The following PLCXD3 variants were observed in gnomAD, a reference collection of about 807,000 sequenced individuals.
PLCXD3 encodes PI-PLC X domain-containing protein 3.
Under a neutral mutation model 25.5 loss-of-function variants are expected in PLCXD3, and 19 were observed. The observed-to-expected ratio is 0.75, with a 90% CI of 0.52 to 1.09. The LOEUF (loss-of-function observed/expected upper bound fraction) is 1.09. Ranked by LOEUF, PLCXD3 falls within the 50% of genes least tolerant of loss-of-function variation. PLCXD3 has a pLI of 0.00. For synonymous variants in PLCXD3, 174 were observed against 137.6 expected (o/e 1.26, Z -1.85); for missense variants, 411 against 388.1 (o/e 1.06, Z -0.50).
intron 1 of PLCXD3, among the ~76,000 whole-genome samples, chr5:41,410,098 T>C (rs570626754): frequency 1.1e-4 from 16 of 151,926 alleles, no homozygotes; most frequent in Non-Finnish European, 1.8e-4. Context: ...TGGGGTACTT[T>C]AGATAGATTA....
chr5:41,317,742 A>G (rs1743345048), intron 2 of PLCXD3, among the ~76,000 whole-genome samples: 1 of 152,022 alleles, frequency 6.6e-6, no homozygotes, highest in Admixed American at 6.6e-5. Context: ...AGAATGCATC[A>G]GAGTCATTTA....
At chr5:41,432,545 T>A (rs1013056099) in intron 1 of PLCXD3, among the ~76,000 whole-genome samples, 1 of 152,316 alleles carries the variant, frequency 6.6e-6, no homozygotes, top group East Asian at 1.9e-4. Context: ...TCTTTTAATG[T>A]CTTCCCTAAA....
At chr5:41,465,577 G>GCTATCAGT (rs568042287) in intron 1 of PLCXD3, among the ~76,000 whole-genome samples, 16 of 151,524 alleles carry the variant, frequency 1.1e-4, no homozygotes, top group Non-Finnish European at 2.4e-4. Flanking sequence ...TCTCAGCTTT[G>GCTATCAGT]CTATCAGTCT....
intron 1 of PLCXD3, among the ~76,000 whole-genome samples, chr5:41,382,956 A>G (rs1580339708): frequency 1.3e-5 from 2 of 152,104 alleles, no homozygotes; most frequent in East Asian, 3.9e-4. Flanking sequence ...TAAGCCTAGA[A>G]GGATTGTCTC....
chr5:41,401,003 T>G (rs36089237), intron 1 of PLCXD3, among the ~76,000 whole-genome samples: 21,288 of 58,056 alleles, frequency 0.37, 1,776 homozygotes, highest in African/African-American at 0.5. Context: ...TTTAAAAAGC[T>G]AAAAAAAAAA....
At position 41,308,775 on chromosome 5, in the gene PLCXD3, C is replaced by T. The variant is rs1356575804; in HGVS notation, c.*4842G>A. The T allele has an allele frequency of 6.6e-6, 1 of 152,042 alleles. No homozygotes were observed. Among genetic ancestry groups the T allele is most frequent in the East Asian group, 1.9e-4 (1 of 5,184 alleles). The allele number at this position is 152,042 out of a possible 1,614,324, so 9.4% of individuals were successfully genotyped here. A position where few individuals can be genotyped will look rare whatever the true frequency, so the allele number is the denominator to read the frequency against. ...TTTATCATTAAAGAAAAATGGGTGC[C>T]ATGTTGGGAAGGTCAACTTTAAAGG... On this transcript the variant is annotated 3_prime_UTR_variant, in exon 3 of 3. Coordinates refer to ENST00000377801, the MANE Select transcript of PLCXD3 (RefSeq NM_001005473.3).
At chr5:41,385,938 G>T (rs1253167076) in intron 1 of PLCXD3, among the ~76,000 whole-genome samples, 1 of 152,108 alleles carries the variant, frequency 6.6e-6, no homozygotes, top group Non-Finnish European at 1.5e-5. Context: ...GATCTTGATT[G>T]CAGCCCTGTG....
intron 1 of PLCXD3, among the ~76,000 whole-genome samples, chr5:41,460,819 A>C (rs768226806): frequency 6.6e-6 from 1 of 151,976 alleles, no homozygotes; most frequent in African/African-American, 2.4e-5. Context: ...CGAATGTGCA[A>C]AATTATTGGA....
At chr5:41,444,022 T>C (rs1031530297) in intron 1 of PLCXD3, among the ~76,000 whole-genome samples, 1 of 152,194 alleles carries the variant, frequency 6.6e-6, no homozygotes, top group Non-Finnish European at 1.5e-5. Context: ...TACAAATCAA[T>C]CTGTGGATAT....
At chr5:41,319,601 C>T (rs553169130) in intron 2 of PLCXD3, among the ~76,000 whole-genome samples, 1 of 152,150 alleles carries the variant, frequency 6.6e-6, no homozygotes, top group East Asian at 1.9e-4. Flanking sequence ...CTATGGGATA[C>T]AGCAAAAGCA....
intron 2 of PLCXD3, among the ~76,000 whole-genome samples, chr5:41,327,254 G>C (rs528331992): frequency 1.3e-5 from 2 of 152,258 alleles, no homozygotes; most frequent in Non-Finnish European, 1.5e-5. Context: ...CTGGAGGTGT[G>C]GGGGAATTGA....
At chr5:41,500,049 C>A (rs1009180473) in intron 1 of PLCXD3, among the ~76,000 whole-genome samples, 3 of 151,714 alleles carry the variant, frequency 2.0e-5, no homozygotes, top group Admixed American at 2.0e-4. Context: ...TCCATTTGAT[C>A]CAGCAATCCC....
chr5:41,496,921 CTT>C (rs937932458), intron 1 of PLCXD3, among the ~76,000 whole-genome samples: 8 of 151,294 alleles, frequency 5.3e-5, no homozygotes, highest in African/African-American at 1.7e-4. Context: ...AAAAATATAA[CTT>C]ATGACATTGG....
At chr5:41,470,309 C>T (rs936802741) in intron 1 of PLCXD3, among the ~76,000 whole-genome samples, 6 of 152,022 alleles carry the variant, frequency 3.9e-5, no homozygotes, top group Non-Finnish European at 2.9e-5. Flanking sequence ...AGCTGTTCTA[C>T]TGCTCTCCAG....
intron 1 of PLCXD3, among the ~76,000 whole-genome samples, chr5:41,423,223 G>T (rs944002844): frequency 2.0e-5 from 3 of 151,908 alleles, no homozygotes; most frequent in Non-Finnish European, 2.9e-5. Flanking sequence ...TATGAAAAAT[G>T]GGTTATATGT....
At chr5:41,432,173 A>G (rs1747127031) in intron 1 of PLCXD3, among the ~76,000 whole-genome samples, 1 of 152,234 alleles carries the variant, frequency 6.6e-6, no homozygotes, top group Non-Finnish European at 1.5e-5. Flanking sequence ...TTTACAATCC[A>G]GGATAAATTA....
intron 1 of PLCXD3, among the ~76,000 whole-genome samples, chr5:41,425,607 T>C (rs1190985383): frequency 6.6e-6 from 1 of 152,194 alleles, no homozygotes; most frequent in African/African-American, 2.4e-5. Flanking sequence ...TTTACTGCCC[T>C]AAAAATCCTC....
At chr5:41,336,086 A>T (rs1227811021) in intron 2 of PLCXD3, among the ~76,000 whole-genome samples, 1 of 152,168 alleles carries the variant, frequency 6.6e-6, no homozygotes, top group African/African-American at 2.4e-5. Flanking sequence ...AATCAGACAG[A>T]GTCATATTTG....
At chr5:41,395,896 A>G (rs1349608069) in intron 1 of PLCXD3, among the ~76,000 whole-genome samples, 7 of 151,940 alleles carry the variant, frequency 4.6e-5, no homozygotes, top group East Asian at 1.9e-4. Flanking sequence ...ACAAATACCA[A>G]TCTGATTCAA....
Sources: gnomAD v4.1 joint callset for allele counts (sites outside exome capture counted in the v4.1 genomes callset) on GRCh38, gnomAD v4.1.1 for gene constraint, MANE v1.5 for transcripts, NCBI Gene and HGNC (gene_info 2026-07-23, HGNC 2026-07-21) for gene names.